The following DDHD2 variants were observed in gnomAD, a reference collection of about 807,000 sequenced individuals.
The protein encoded by DDHD2 is DDHD domain containing 2, also known as triacylglycerol hydrolase DDHD2.
Under a neutral mutation model 91.2 loss-of-function variants are expected in DDHD2, and 62 were observed. That is an observed-to-expected ratio of 0.68 (90% confidence interval 0.55 to 0.84). The LOEUF (loss-of-function observed/expected upper bound fraction) is 0.84. Ranked by LOEUF, DDHD2 falls within the 40% of genes least tolerant of loss-of-function variation. The probability of loss-of-function intolerance (pLI) is 0.00; values close to 1 mark genes in which losing one functional copy is unlikely to be tolerated. For missense variants in DDHD2, 740 were observed against 846.9 expected, an observed-to-expected ratio of 0.87 and a Z score of 1.57; for synonymous variants, 271 against 293.9, an observed-to-expected ratio of 0.92 and a Z score of 0.80.
intron 3 of DDHD2, 72 bp from the exon 4 acceptor site, chr8:38,237,466 T>G (rs1804890262): frequency 1.4e-6 from 1 of 694,178 alleles, no homozygotes; most frequent in Non-Finnish European, 2.5e-6. Flanking sequence ...TAATACATAG[T>G]ATTCTTGTTA....
At chr8:38,270,241 G>A (rs1808402010) in intron 1 of DDHD2, 1 of 152,120 alleles carries the variant, frequency 6.6e-6, no homozygotes, top group African/African-American at 2.4e-5. Flanking sequence ...AGTGATTTAG[G>A]CAAAGTAATG....
downstream of DDHD2, chr8:38,267,297 G>C: frequency 2.5e-6 from 4 of 1,613,936 alleles, no homozygotes; most frequent in South Asian, 1.1e-5. Context: ...AAGCTCTTTC[G>C]GCCCTCATTC....
Position 38,262,769 on chromosome 8 carries a change from A to G in DDHD2, c.*2196A>G, listed in dbSNP as rs1052799440. ...TTAGTAAATACTAACATGAAACCATATTGACTAGTGGCCTACTTTTACCTG... is the reference window on the plus strand; with the variant it reads ...TTAGTAAATACTAACATGAAACCATGTTGACTAGTGGCCTACTTTTACCTG... On this transcript the variant is annotated 3_prime_UTR_variant, in exon 18 of 18. Transcript: ENST00000397166. 2 of 152,190 alleles carry G rather than the reference A, an allele frequency of 1.3e-5. No individual in the cohort carries two copies. The highest frequency in any genetic ancestry group is 4.8e-5 in the African/African-American group (2 of 41,452). The allele number at this position is 152,190 out of a possible 1,614,324, so 9.4% of individuals were successfully genotyped here.
At chr8:38,271,488 C>T (rs1253952299), downstream of DDHD2, 1 of 152,014 alleles carries the variant, frequency 6.6e-6, no homozygotes, top group Non-Finnish European at 1.5e-5. Context: ...TCAGTATATA[C>T]ACATTTCCAA....
At position 38,255,006 on chromosome 8, in the gene DDHD2, T is replaced by A. The variant is rs1017267294; in HGVS notation, c.2054+1288T>A. Among the ~76,000 whole-genome samples, 17 of 152,174 alleles carry A rather than the reference T, an allele frequency of 1.1e-4. 1 individual carries two copies. Among genetic ancestry groups the A allele is most frequent in the African/African-American group, 3.9e-4 (16 of 41,452 alleles). On this transcript the variant is annotated intron_variant, in intron 16 of 17. Transcript: ENST00000397166. The stretch of plus-strand genomic sequence containing the variant: ...TTAAAAATGAAAGCTCAGACCAGCA[T>A]GGCCAACATGGCGAAATCCTGTCTC...
chr8:38,264,761 T>A, downstream of DDHD2: 1 of 1,457,036 alleles, frequency 6.9e-7, no homozygotes, highest in East Asian at 2.5e-5. Flanking sequence ...ATCTTTTTAT[T>A]CTCAATTTTA....
At chr8:38,235,301 G>C (rs1237288532) in intron 3 of DDHD2, among the ~76,000 whole-genome samples, 1 of 152,008 alleles carries the variant, frequency 6.6e-6, no homozygotes, top group Non-Finnish European at 1.5e-5. Context: ...TCGAACTCCT[G>C]ACCTCAAATG....
At chr8:38,241,022 G>T (rs1270081731) in intron 6 of DDHD2, among the ~76,000 whole-genome samples, 1 of 145,290 alleles carries the variant, frequency 6.9e-6, no homozygotes, top group East Asian at 2.0e-4. Context: ...AGTGAGCCGA[G>T]ATCGGGCCAC....
In DDHD2 at chr8:38,253,057, T is replaced by C; in HGVS notation, c.1821T>C (p.Pro607=). 1 of 1,614,206 alleles carries C rather than the reference T, an allele frequency of 6.2e-7. No individual in the cohort carries two copies. The highest frequency in any genetic ancestry group is 8.5e-7 in the Non-Finnish European group (1 of 1,180,038). Residue 607 remains proline, a synonymous_variant, in exon 15 of 18, where the codon CCT becomes CCC. Coordinates refer to ENST00000397166, the MANE Select transcript of DDHD2 (RefSeq NM_015214.3). ...AWKSFTRAPY[P]ALQASETPEE... ...AGTCTTTTACCAGAGCTCCATACCCTGCCTTACAAGCTTCAGAAACACCAG... is the reference window on the plus strand; with the variant it reads ...AGTCTTTTACCAGAGCTCCATACCCCGCCTTACAAGCTTCAGAAACACCAG...
chr8:38,235,873 GCACA>G (rs36055483), intron 3 of DDHD2, among the ~76,000 whole-genome samples: 27 of 147,780 alleles, frequency 1.8e-4, no homozygotes, highest in East Asian at 4.0e-4. Context: ...AAGTACACGC[GCACA>G]CACACACACA....
downstream of DDHD2, chr8:38,272,161 T>A (rs1808498149): frequency 6.6e-6 from 1 of 152,242 alleles, no homozygotes; most frequent in Admixed American, 6.5e-5. Context: ...TTTTCAAATA[T>A]TTTGTGTAAA....
At position 38,261,749 on chromosome 8, in the gene DDHD2, A is replaced by G. The variant is rs537778374; in HGVS notation, c.*1176A>G. On this transcript the variant is annotated 3_prime_UTR_variant, in exon 18 of 18. Transcript: ENST00000397166. ...CTTCTAAGAACACAAGTGACTGCAC[A>G]CTAATTTTGTCAAGGCATCTTTTCA... 1 of 152,156 alleles carries G rather than the reference A, an allele frequency of 6.6e-6. No homozygotes were observed. Among genetic ancestry groups the G allele is most frequent in the Non-Finnish European group, 1.5e-5 (1 of 68,022 alleles). The allele number at this position is 152,156 out of a possible 1,614,324, so 9.4% of individuals were successfully genotyped here.
At chr8:38,259,210 T>C (rs2130883745) in intron 16 of DDHD2, among the ~76,000 whole-genome samples, 1 of 149,954 alleles carries the variant, frequency 6.7e-6, no homozygotes, top group East Asian at 2.0e-4. Flanking sequence ...CTTGGTTATT[T>C]CTTACTGGCT....
At chr8:38,246,941 A>T (rs1805680207) in intron 9 of DDHD2, 1 of 152,296 alleles carries the variant, frequency 6.6e-6, no homozygotes, top group Non-Finnish European at 1.5e-5. Flanking sequence ...AATTGATATG[A>T]TTTATAGAAA....
chr8:38,258,787 G>A (rs890126089), intron 16 of DDHD2, among the ~76,000 whole-genome samples: 4 of 152,150 alleles, frequency 2.6e-5, no homozygotes, highest in Non-Finnish European at 5.9e-5. Flanking sequence ...GGAAGAATCC[G>A]TAATTTCATT....
intron 1 of DDHD2, chr8:38,269,084 G>A: frequency 6.5e-7 from 1 of 1,528,494 alleles, no homozygotes; most frequent in Non-Finnish European, 8.8e-7. Context: ...CCGCCTGCCT[G>A]GGAAGCGGGG....
At chr8:38,264,469 C>T, downstream of DDHD2, 1 of 1,550,544 alleles carries the variant, frequency 6.4e-7, no homozygotes, top group Non-Finnish European at 8.7e-7. Context: ...ATAAGAATCC[C>T]CAGGCTTCTG....
chr8:38,264,923 C>T (rs1807346342), downstream of DDHD2: 1 of 1,612,584 alleles, frequency 6.2e-7, no homozygotes, highest in Admixed American at 1.7e-5. Context: ...TGCTATTCAT[C>T]TGCCCATTTT....
chr8:38,252,176 C>T lies in DDHD2; in HGVS notation c.1506C>T (p.Phe502=). ...GGCTCATCTATAAACCAGAGATATT[C>T]TTTGCCTTTGGATCTCCCATTGGAA... ...YPRLIYKPEI[F]FAFGSPIGMF... is the part of the protein sequence containing the mutation. The change falls in exon 13 of 18, where the codon TTC becomes TTT. Residue 502 remains phenylalanine, a synonymous_variant. Transcript: ENST00000397166. The T allele has an allele frequency of 6.2e-7, 1 of 1,614,176 alleles. No homozygotes were observed. The highest frequency in any genetic ancestry group is 8.5e-7 in the Non-Finnish European group (1 of 1,180,028).
Sources: allele counts gnomAD v4.1 joint callset (sites outside exome capture counted in the v4.1 genomes callset), GRCh38; gene constraint gnomAD v4.1.1; transcripts MANE v1.5; gene names NCBI Gene and HGNC (gene_info 2026-07-23, HGNC 2026-07-21).